C12orf57: variants seen among roughly 807,000 people sequenced by gnomAD.
C12orf57 encodes the protein chromosome 12 open reading frame 57.
A neutral mutation model predicts 11.3 loss-of-function variants in C12orf57; 14 were observed. The observed-to-expected ratio is 1.24, with a 90% CI of 0.82 to 1.94. The LOEUF is 1.94. Ranked by LOEUF, C12orf57 falls within the 30% of genes most tolerant of loss-of-function variation. The pLI is 0.00. For synonymous variants in C12orf57, 100 were observed against 74.6 expected (o/e 1.34, Z -1.76); for missense variants, 229 against 172.4 (o/e 1.33, Z -1.84).
At position 6,944,115 on chromosome 12, in the gene C12orf57, A is replaced by G. The variant is rs1352762049; in HGVS notation, c.-7A>G. 5.0e-6 allele frequency: 8 copies of G among 1,613,802 alleles called. No individual in the cohort carries two copies. The highest frequency in any genetic ancestry group is 1.6e-4 in the Middle Eastern group (1 of 6,084). On this transcript the variant is annotated 5_prime_UTR_variant, in exon 1 of 3. Coordinates refer to ENST00000229281, the MANE Select transcript of C12orf57 (RefSeq NM_138425.4). ...ACCTCCGCTGAACCTAGAGCTTCAGACGCCCTATGGCGTCCGCCTCGACCC... is the reference window on the plus strand; with the variant it reads ...ACCTCCGCTGAACCTAGAGCTTCAGGCGCCCTATGGCGTCCGCCTCGACCC...
At chr12:6,944,676 G>T (rs782357439) in intron 2 of C12orf57, 24 bp downstream of exon 2, 12 of 1,603,550 alleles carry the variant, frequency 7.5e-6, no homozygotes. Flanking sequence ...GGGAAGGCGG[G>T]TCAGACGCGG....
chr12:6,943,738 G>GAA (rs369359232), upstream of C12orf57: 16 of 1,226,616 alleles, frequency 1.3e-5, no homozygotes, highest in African/African-American at 1.4e-4. Context: ...ATAGGAACAA[G>GAA]AAAAAAGTCA....
rs781931486 is a variant in C12orf57, at chr12:6,944,022, C to A, written c.-100C>A. 8 of 1,602,660 alleles carry A rather than the reference C, an allele frequency of 5.0e-6. No homozygotes were observed. The highest frequency in any genetic ancestry group is 1.7e-5 in the Admixed American group (1 of 59,632). On this transcript the variant is annotated 5_prime_UTR_variant, in exon 1 of 3. Transcript: ENST00000229281. ...CTTCCGGCTGCGCCGGATGCTGTTT[C>A]CTTTCCGCTCCCAGGGGCGTTGGGA...
At chr12:6,943,857 G>A (rs782253023), upstream of C12orf57, 46 of 937,922 alleles carry the variant, frequency 4.9e-5, no homozygotes, top group Admixed American at 2.5e-4. Flanking sequence ...TAGGCTTTCT[G>A]GCTTTTTACC....
chr12:6,943,729 T>C (rs1388190350), upstream of C12orf57: 7 of 1,245,976 alleles, frequency 5.6e-6, no homozygotes, highest in Admixed American at 3.0e-5. Context: ...TATACAGTAA[T>C]AGGAACAAGA....
chr12:6,943,982 G>GGT, upstream of C12orf57: 1 of 1,578,458 alleles, frequency 6.3e-7, no homozygotes, highest in Non-Finnish European at 8.5e-7. Context: ...TGAAGGTTTG[G>GGT]GCCACGCCTG....
chr12:6,944,547 A>G lies in C12orf57; in HGVS notation c.124A>G (p.Asn42Asp), dbSNP rs1555146019. The G allele has an allele frequency of 1.9e-6, 3 of 1,614,128 alleles. No individual in the cohort carries two copies. The highest frequency in any genetic ancestry group is 2.5e-6 in the Non-Finnish European group (3 of 1,180,038). Reference sequence around the variant, plus strand: ...AGTGCGCATGGACGAGGCTCGGGATAACGCCTGCAACGACATGGGTAAGAT... The same window carrying G: ...AGTGCGCATGGACGAGGCTCGGGATGACGCCTGCAACGACATGGGTAAGAT... ...NAVRMDEARD[N>D]ACNDMGKMLQ... The change falls in exon 2 of 3, where the codon AAC becomes GAC. Residue 42 changes from asparagine to aspartate, a missense_variant. By Grantham distance (23) the Asn-to-Asp change is conservative (BLOSUM62 1). Coordinates refer to ENST00000229281, the MANE Select transcript of C12orf57 (RefSeq NM_138425.4).
chr12:6,943,809 T>TAA, upstream of C12orf57: 1 of 859,642 alleles, frequency 1.2e-6, no homozygotes, highest in Non-Finnish European at 1.6e-6. Context: ...TCCAAACACA[T>TAA]ACGCAGCAGT....
At chr12:6,945,619 A>C in intron 2 of C12orf57, 152 bp from the exon 3 acceptor site, 4 of 791,992 alleles carry the variant, frequency 5.1e-6, no homozygotes, top group South Asian at 4.4e-5. Context: ...CATCATCCAA[A>C]CCACACGGGA....
upstream of C12orf57, chr12:6,943,447 G>C: frequency 1.7e-6 from 2 of 1,164,146 alleles, no homozygotes; most frequent in Non-Finnish European, 2.2e-6. Flanking sequence ...AAGGGAAATC[G>C]GGCCGGGCAT....
upstream of C12orf57, chr12:6,943,908 G>C (rs782673805): frequency 3.2e-5 from 38 of 1,182,538 alleles, no homozygotes; most frequent in Non-Finnish European, 3.7e-5. Flanking sequence ...ATGATAGATT[G>C]TTTTCACTGT....
In C12orf57 at chr12:6,944,156, G is replaced by C; in HGVS notation, c.35G>C (p.Ser12Thr). Reference protein sequence around the residue: ...ASASTQPAALSAEQAKVVLAE... With the variant: ...ASASTQPAALTAEQAKVVLAE... ...GCCTCGACCCAACCGGCGGCCTTGA[G>C]CGCTGAGCAAGCAAAGGGTGAGAAT... The change falls in exon 1 of 3, where the codon AGC becomes ACC. Residue 12 changes from serine (S) to threonine (T), a missense_variant. Physicochemically the swap from Ser to Thr is moderately conservative, Grantham distance 58. Coordinates refer to ENST00000229281, the MANE Select transcript of C12orf57 (RefSeq NM_138425.4). The C allele has an allele frequency of 6.2e-7, 1 of 1,614,218 alleles. No homozygotes were observed. Among genetic ancestry groups the C allele is most frequent in the Non-Finnish European group, 8.5e-7 (1 of 1,180,018 alleles).
chr12:6,944,584 T>C lies in C12orf57; in HGVS notation c.161T>C (p.Val54Ala). The C allele has an allele frequency of 6.2e-7, 1 of 1,614,178 alleles. No individual in the cohort carries two copies. ...CNDMGKMLQFVLPVATQIQQE... is the reference protein window; with the variant it reads ...CNDMGKMLQFALPVATQIQQE... ...GACATGGGTAAGATGCTGCAATTCG[T>C]GCTGCCCGTGGCCACGCAGATCCAG... Residue 54 changes from valine to alanine, a missense_variant, in exon 2 of 3, where the codon GTG becomes GCG. Physicochemically the swap from Val to Ala is moderately conservative, Grantham distance 64. Transcript: ENST00000229281.
intron 1 of C12orf57, 65 bp downstream of exon 1, chr12:6,944,238 T>C (rs782226772): frequency 1.0e-4 from 168 of 1,612,742 alleles, no homozygotes; most frequent in Non-Finnish European, 1.3e-4. Flanking sequence ...GGGCTGCTGG[T>C]CTGGGGAGGA....
Position 6,944,058 on chromosome 12 carries a change from G to T in C12orf57, c.-64G>T. The T allele has an allele frequency of 1.9e-6, 3 of 1,613,198 alleles. No individual in the cohort carries two copies. The highest frequency in any genetic ancestry group is 1.7e-6 in the Non-Finnish European group (2 of 1,179,984). On this transcript the variant is annotated 5_prime_UTR_variant, in exon 1 of 3. Transcript: ENST00000229281. Reference sequence around the variant, plus strand: ...CCAGGGGCGTTGGGAACGGTTGTAGGACGTGGCTCTTTATTCGTGAGTTTT... The same window carrying T: ...CCAGGGGCGTTGGGAACGGTTGTAGTACGTGGCTCTTTATTCGTGAGTTTT...
At chr12:6,945,648 C>A in intron 2 of C12orf57, 123 bp from the exon 3 acceptor site, 1 of 1,017,474 alleles carries the variant, frequency 9.8e-7, no homozygotes, top group Non-Finnish European at 1.5e-6. Context: ...TGCATGCGTC[C>A]TGTTTGGCAA....
rs782796324 is a variant in C12orf57, at chr12:6,944,497, A to G, written c.74A>G (p.Gln25Arg). 18 of 1,612,766 alleles carry G rather than the reference A, an allele frequency of 1.1e-5. No individual in the cohort carries two copies. Among genetic ancestry groups the G allele is most frequent in the Non-Finnish European group, 1.4e-5 (16 of 1,179,946 alleles). Residue 25 changes from glutamine (Q) to arginine (R), a missense_variant, in exon 2 of 3, where the codon CAG becomes CGG. Gln to Arg is a conservative substitution (Grantham distance 43). Coordinates refer to ENST00000229281, the MANE Select transcript of C12orf57 (RefSeq NM_138425.4). ...QAKVVLAEVI[Q>R]AFSAPENAVR... ...GCAGTGGTCCTCGCGGAGGTGATCC[A>G]GGCGTTCTCCGCCCCGGAGAATGCA...
rs1555145894 is a variant in C12orf57, at chr12:6,944,267, G to A, written c.52+94G>A. 22 of 1,607,594 alleles carry A rather than the reference G, an allele frequency of 1.4e-5. No individual in the cohort carries two copies. In the East Asian group the frequency reaches 4.7e-4, roughly 34 times the overall value. On this transcript the variant is annotated intron_variant, in intron 1 of 2. Coordinates refer to ENST00000229281, the MANE Select transcript of C12orf57 (RefSeq NM_138425.4). ...GGGAGGATGCGGGCGGAGGATGTGG[G>A]GCGACAAACCTGGCTACGTCCGCCG...
rs1945745819 is a variant in C12orf57, at chr12:6,944,572, T to C, written c.149T>C (p.Met50Thr). ...AACGCCTGCAACGACATGGGTAAGA[T>C]GCTGCAATTCGTGCTGCCCGTGGCC... is the stretch of plus-strand genomic sequence containing the variant. ...RDNACNDMGK[M>T]LQFVLPVATQ... The change falls in exon 2 of 3, where the codon ATG becomes ACG. Residue 50 changes from methionine (M) to threonine (T), a missense_variant. Physicochemically the swap from Met to Thr is moderately conservative, Grantham distance 81. Coordinates refer to ENST00000229281, the MANE Select transcript of C12orf57 (RefSeq NM_138425.4). The C allele has an allele frequency of 4.3e-6, 7 of 1,614,044 alleles. No homozygotes were observed. Among genetic ancestry groups the C allele is most frequent in the Non-Finnish European group, 5.1e-6 (6 of 1,180,044 alleles).
Sources: allele counts gnomAD v4.1 joint callset, GRCh38; gene constraint gnomAD v4.1.1; transcripts MANE v1.5; gene names NCBI Gene and HGNC (gene_info 2026-07-23, HGNC 2026-07-21).